The following TLE4 variants were observed in gnomAD, a reference collection of about 807,000 sequenced individuals.
TLE4 encodes the protein transducin-like enhancer protein 4.
Under a neutral mutation model 92.8 loss-of-function variants are expected in TLE4, and 8 were observed. The observed-to-expected ratio is 0.09, with a 90% CI of 0.05 to 0.16. The LOEUF is 0.16. TLE4 is among the 10% of genes least tolerant of loss of function. The probability of loss-of-function intolerance (pLI) is 1.00; values close to 1 mark genes in which losing one functional copy is unlikely to be tolerated. For synonymous variants in TLE4, 371 were observed against 374.1 expected (o/e 0.99, Z 0.10); for missense variants, 675 against 997.6 (o/e 0.68, Z 4.36).
intron 8 of TLE4, among the ~76,000 whole-genome samples, chr9:79,681,667 G>A (rs1202434780): frequency 1.3e-5 from 2 of 151,986 alleles, no homozygotes; most frequent in African/African-American, 4.8e-5. Flanking sequence ...TCTGTTCAGT[G>A]ATTCTGTGGA....
At chr9:79,681,056 A>T (rs1457932727) in intron 8 of TLE4, among the ~76,000 whole-genome samples, 1 of 152,104 alleles carries the variant, frequency 6.6e-6, no homozygotes, top group Non-Finnish European at 1.5e-5. Flanking sequence ...TTTTTGCATC[A>T]ATGTTCATCA....
chr9:79,617,058 A>G (rs755480966), intron 5 of TLE4, among the ~76,000 whole-genome samples: 8 of 152,082 alleles, frequency 5.3e-5, no homozygotes, highest in Non-Finnish European at 8.8e-5. Context: ...AATAGATTCT[A>G]TTTCAGGTTA....
chr9:79,596,057 A>G (rs983497877), intron 4 of TLE4, among the ~76,000 whole-genome samples: 10 of 152,074 alleles, frequency 6.6e-5, no homozygotes, highest in South Asian at 6.2e-4. Flanking sequence ...CGTGTTAGCC[A>G]GGATGGTCTC....
intron 4 of TLE4, among the ~76,000 whole-genome samples, chr9:79,609,227 G>T (rs1317684486): frequency 1.3e-5 from 2 of 151,970 alleles, no homozygotes; most frequent in African/African-American, 4.8e-5. Flanking sequence ...TTCCTGTTTC[G>T]TTACTACCTG....
intron 6 of TLE4, among the ~76,000 whole-genome samples, chr9:79,641,161 G>A (rs1299542663): frequency 6.8e-6 from 1 of 147,198 alleles, no homozygotes; most frequent in Non-Finnish European, 1.5e-5. Flanking sequence ...TTTTCTTGGA[G>A]TAGGATTTCT....
intron 4 of TLE4, among the ~76,000 whole-genome samples, chr9:79,582,403 A>G (rs377557202): frequency 6.6e-6 from 1 of 152,150 alleles, no homozygotes; most frequent in East Asian, 1.9e-4. Context: ...TGTAGGAATG[A>G]TGGACCGGAC....
chr9:79,646,979 C>T, intron 6 of TLE4, among the ~76,000 whole-genome samples: 1 of 152,068 alleles, frequency 6.6e-6, no homozygotes, highest in East Asian at 1.9e-4. Flanking sequence ...AAGCAGTATG[C>T]CTGTAGGTTG....
intron 8 of TLE4, among the ~76,000 whole-genome samples, chr9:79,694,791 AG>A (rs1349926458): frequency 6.7e-6 from 1 of 149,222 alleles, no homozygotes; most frequent in East Asian, 1.9e-4. Context: ...AAAAAAAAGC[AG>A]GGGGGAGGAC....
chr9:79,622,550 G>A (rs1012126280), intron 5 of TLE4, among the ~76,000 whole-genome samples: 2 of 152,134 alleles, frequency 1.3e-5, no homozygotes, highest in African/African-American at 4.8e-5. Flanking sequence ...TGATTGGGTA[G>A]CATCCTGTAA....
At chr9:79,598,142 G>T (rs571787580) in intron 4 of TLE4, among the ~76,000 whole-genome samples, 3 of 151,122 alleles carry the variant, frequency 2.0e-5, no homozygotes, top group East Asian at 1.9e-4. Context: ...TCAGCTGCTC[G>T]GGAGGCTGAG....
Position 79,652,542 on chromosome 9 carries a change from G to A in TLE4, c.391-51G>A, listed in dbSNP as rs367803483. On this transcript the variant is annotated intron_variant, in intron 6 of 19. Transcript: ENST00000376552. ...CTCCTTTCTGTTTCTCTTGGGGCAG[G>A]GGTTGGATATGGGGGCAAATTCAAT... 22 of 1,596,632 alleles carry A rather than the reference G, an allele frequency of 1.4e-5. No individual in the cohort carries two copies. In the East Asian group the frequency reaches 2.9e-4, roughly 21 times the overall value.
Position 79,641,209 on chromosome 9 carries a change from T to C in TLE4, c.391-11384T>C, listed in dbSNP as rs188655454. Among the ~76,000 whole-genome samples the C allele has an allele frequency of 1.8e-4, 27 of 151,492 alleles. No homozygotes were observed. In the South Asian group the frequency reaches 4.6e-3, roughly 26 times the overall value. ...AGAAAGCCCAACCCATGAGAAAAGA[T>C]TGATAGTATTTAATACTCACTTGGA... is the stretch of plus-strand genomic sequence containing the variant. On this transcript the variant is annotated intron_variant, in intron 6 of 19. Coordinates refer to ENST00000376552, the MANE Select transcript of TLE4 (RefSeq NM_007005.6).
intron 8 of TLE4, among the ~76,000 whole-genome samples, chr9:79,696,664 T>C (rs898551433): frequency 1.3e-5 from 2 of 151,720 alleles, no homozygotes; most frequent in Non-Finnish European, 2.9e-5. Context: ...AAAAAAAAAA[T>C]AGCAACATGA....
In TLE4 at chr9:79,652,587, C is replaced by T; in HGVS notation, c.391-6C>T. The T allele has an allele frequency of 6.2e-7, 1 of 1,613,970 alleles. No individual in the cohort carries two copies. The highest frequency in any genetic ancestry group is 8.5e-7 in the Non-Finnish European group (1 of 1,179,924). On this transcript the variant is annotated splice_polypyrimidine_tract_variant and splice_region_variant and intron_variant, in intron 6 of 19. Coordinates refer to ENST00000376552, the MANE Select transcript of TLE4 (RefSeq NM_007005.6). The stretch of plus-strand genomic sequence containing the variant: ...TTCAATATCTGTGTTTAATTTTTCA[C>T]AGCAGCAACAACTCCAGGCCCAGCA...
rs148536634 is a variant in TLE4 at position 79,699,419 on chromosome 9, A to G, written c.610-5364A>G. Among the ~76,000 whole-genome samples, 415 of 152,326 alleles carry G rather than the reference A, an allele frequency of 2.7e-3. 2 individuals carry two copies. The highest frequency in any genetic ancestry group is 4.4e-3 in the Non-Finnish European group (298 of 68,032). ...GACTGAACTATAGTTAAGAGTAACT[A>G]TAATTTATCGTCTAAACTTGGCCAT... On this transcript the variant is annotated intron_variant, in intron 8 of 19. Transcript: ENST00000376552.
intron 5 of TLE4, among the ~76,000 whole-genome samples, chr9:79,613,559 A>G (rs2048842657): frequency 6.6e-6 from 1 of 152,152 alleles, no homozygotes; most frequent in African/African-American, 2.4e-5. Context: ...GATCCACTCT[A>G]AGAAGGAAGG....
chr9:79,680,539 A>G (rs1186463469), intron 8 of TLE4, among the ~76,000 whole-genome samples: 6 of 152,040 alleles, frequency 3.9e-5, no homozygotes, highest in East Asian at 1.9e-4. Context: ...GAGACAATGG[A>G]GTTTTCTAGA....
chr9:79,627,280 C>A, intron 5 of TLE4, 94 bp from the exon 6 acceptor site: 1 of 1,263,208 alleles, frequency 7.9e-7, no homozygotes, highest in Non-Finnish European at 1.2e-6. Context: ...TGCTGTTTTG[C>A]ATGTAACTGA....
intron 6 of TLE4, among the ~76,000 whole-genome samples, chr9:79,636,981 A>G (rs11138314): frequency 0.2 from 30,319 of 152,106 alleles, 4,513 homozygotes; most frequent in African/African-American, 0.42. Flanking sequence ...CCAAGATAGA[A>G]AAGGAAGCGC....
Sources: gnomAD v4.1 joint callset for allele counts (sites outside exome capture counted in the v4.1 genomes callset) on GRCh38, gnomAD v4.1.1 for gene constraint, MANE v1.5 for transcripts, NCBI Gene and HGNC (gene_info 2026-07-23, HGNC 2026-07-21) for gene names.